The following BRWD3 variants were observed in gnomAD, a reference collection of about 807,000 sequenced individuals.
BRWD3 encodes bromodomain and WD repeat-containing protein 3.
In BRWD3, 10 loss-of-function variants were observed where a neutral mutation model predicts 149.7. That is an observed-to-expected ratio of 0.07 (90% CI 0.04 to 0.11). The LOEUF is 0.11. BRWD3 is among the 10% of genes least tolerant of loss of function. The probability of loss-of-function intolerance (pLI) is 1.00; values close to 1 mark genes in which losing one functional copy is unlikely to be tolerated. For missense variants in BRWD3, 940 were observed against 1,373.2 expected (o/e 0.68, Z 4.99); for synonymous variants, 504 against 456.7 (o/e 1.10, Z -1.32).
At chrX:80,715,559 T>C (rs1408385230) in intron 20 of BRWD3, among the ~76,000 whole-genome samples, 1 of 112,119 alleles carries the variant, frequency 8.9e-6, no homozygotes, top group Non-Finnish European at 1.9e-5. Context: ...ACAGATCATA[T>C]TTTGCTCCTA....
chrX:80,692,645 T>C (rs1430808064), intron 28 of BRWD3, among the ~76,000 whole-genome samples: 1 of 112,133 alleles, frequency 8.9e-6, no homozygotes, highest in African/African-American at 3.2e-5. Flanking sequence ...CATTAAAAAA[T>C]AGTTGCAATT....
intron 20 of BRWD3, among the ~76,000 whole-genome samples, chrX:80,712,910 C>T (rs868640568): frequency 1.1e-5 from 1 of 93,219 alleles, no homozygotes; most frequent in Non-Finnish European, 2.3e-5. Flanking sequence ...CCCCTCCGCC[C>T]GGCAGCCGCC....
intron 23 of BRWD3, 82 bp from the exon 24 acceptor site, chrX:80,703,675 T>C: frequency 1.5e-6 from 1 of 672,403 alleles, no homozygotes; most frequent in Non-Finnish European, 2.3e-6. Flanking sequence ...GTATGAAAAA[T>C]AGTAGGTAGA....
intron 14 of BRWD3, among the ~76,000 whole-genome samples, chrX:80,725,852 CTA>C (rs1273882598): frequency 9.9e-6 from 1 of 101,035 alleles, no homozygotes; most frequent in Non-Finnish European, 2.0e-5. Flanking sequence ...TGTTACATGC[CTA>C]TATAACATAA....
intron 6 of BRWD3, among the ~76,000 whole-genome samples, chrX:80,766,936 C>G (rs2073866369): frequency 8.9e-6 from 1 of 112,211 alleles, no homozygotes; most frequent in African/African-American, 3.2e-5. Flanking sequence ...ACGGTCTTAG[C>G]AAATGGCACA....
At chrX:80,724,870 C>T in intron 15 of BRWD3, 63 bp downstream of exon 15, 2 of 1,163,941 alleles carry the variant, frequency 1.7e-6, no homozygotes, top group Non-Finnish European at 2.3e-6. Flanking sequence ...CTTTAATTAA[C>T]CAAGTTATTA....
At chrX:80,746,319 A>G (rs775585391) in intron 6 of BRWD3, among the ~76,000 whole-genome samples, 8 of 111,086 alleles carry the variant, frequency 7.2e-5, no homozygotes, top group African/African-American at 2.3e-4. Context: ...CTGAATTTAG[A>G]GGCTCTCCCT....
chrX:80,733,897 A>C (rs770814045), intron 11 of BRWD3, among the ~76,000 whole-genome samples: 1 of 111,590 alleles, frequency 9.0e-6, no homozygotes, highest in South Asian at 3.7e-4. Context: ...TTATTTAATT[A>C]TTTTCCAATG....
At chrX:80,719,759 G>A (rs957818490) in intron 17 of BRWD3, 103 bp from the exon 18 acceptor site, 29 of 774,850 alleles carry the variant, frequency 3.7e-5, no homozygotes, top group Admixed American at 7.2e-5. Context: ...ATTAAAAACA[G>A]CATTAAACGT....
At chrX:80,726,005 A>G (rs1371328498) in intron 14 of BRWD3, among the ~76,000 whole-genome samples, 3 of 91,448 alleles carry the variant, frequency 3.3e-5, no homozygotes, top group Non-Finnish European at 6.5e-5. Context: ...TAACATGTTT[A>G]CATGTTATAT....
At chrX:80,713,687 T>A (rs1569257377) in intron 20 of BRWD3, among the ~76,000 whole-genome samples, 1 of 109,510 alleles carries the variant, frequency 9.1e-6, no homozygotes, top group Non-Finnish European at 1.9e-5. Flanking sequence ...GAATGATCAA[T>A]AAAAAAATAA....
rs772601305 is a variant in BRWD3 at position 80,707,474 on chromosome X, A to C, written c.2505T>G (p.Ala835=). The C allele has an allele frequency of 5.8e-6, 7 of 1,210,447 alleles. No individual in the cohort carries two copies. Among genetic ancestry groups the C allele is most frequent in the Middle Eastern group, 2.3e-4 (1 of 4,353 alleles). ...ATTCAACAACAGGATCCTCTACCGA[A>C]GCGTCACTTGTGCCAACAGTTTCAT... ...EEDETVGTSD[A]SVEDPVVEWQ... The change falls in exon 22 of 41, where the codon GCT becomes GCG. Residue 835 remains alanine, a synonymous_variant. Transcript: ENST00000373275.
At chrX:80,762,375 G>A (rs191061333) in intron 6 of BRWD3, among the ~76,000 whole-genome samples, 3 of 111,837 alleles carry the variant, frequency 2.7e-5, no homozygotes, top group East Asian at 2.8e-4. Context: ...GAAGGGGCAC[G>A]AACTTGGGTC....
At chrX:80,793,995 A>G (rs1280248968) in intron 4 of BRWD3, among the ~76,000 whole-genome samples, 2 of 110,543 alleles carry the variant, frequency 1.8e-5, no homozygotes, top group Admixed American at 9.7e-5. Flanking sequence ...CGTGGCCAAC[A>G]TGGTGAAACC....
intron 4 of BRWD3, among the ~76,000 whole-genome samples, chrX:80,804,211 C>T (rs1276603169): frequency 9.1e-6 from 1 of 110,284 alleles, no homozygotes; most frequent in Admixed American, 9.7e-5. Context: ...AACTATATAC[C>T]ACACCTAAAC....
intron 6 of BRWD3, among the ~76,000 whole-genome samples, chrX:80,787,561 A>G (rs2074122338): frequency 1.9e-5 from 2 of 106,660 alleles, no homozygotes; most frequent in Non-Finnish European, 3.8e-5. Flanking sequence ...CTGGAATTAG[A>G]CACCCATATG....
At chrX:80,762,569 G>T (rs536205669) in intron 6 of BRWD3, among the ~76,000 whole-genome samples, 2 of 110,164 alleles carry the variant, frequency 1.8e-5, no homozygotes, top group South Asian at 7.9e-4. Flanking sequence ...ATGTGTTGGG[G>T]GGGTGGGGAA....
At chrX:80,710,453 T>C (rs2072946330) in intron 20 of BRWD3, 1 of 349,071 alleles carries the variant, frequency 2.9e-6, no homozygotes, top group African/African-American at 2.6e-5. Context: ...TCTAAATTTA[T>C]GGAATACAAT....
chrX:80,752,353 T>G (rs759659309), intron 6 of BRWD3, among the ~76,000 whole-genome samples: 1 of 111,838 alleles, frequency 8.9e-6, no homozygotes, highest in Non-Finnish European at 1.9e-5. Context: ...ATAGTGCCAT[T>G]ATAAACATAC....
Sources: allele counts gnomAD v4.1 joint callset (sites outside exome capture counted in the v4.1 genomes callset), GRCh38; gene constraint gnomAD v4.1.1; transcripts MANE v1.5; gene names NCBI Gene and HGNC (gene_info 2026-07-23, HGNC 2026-07-21).